The following PLEKHS1 variants were observed in gnomAD, a reference collection of about 807,000 sequenced individuals.
PLEKHS1 encodes pleckstrin homology domain containing S1, also known as pleckstrin homology domain-containing family S member 1.
Under a neutral mutation model 51.0 loss-of-function variants are expected in PLEKHS1, and 55 were observed. The observed-to-expected ratio is 1.08, with a 90% CI of 0.87 to 1.35. The LOEUF (loss-of-function observed/expected upper bound fraction) is 1.35, where lower values mean the gene tolerates loss of function less well. Among genes scored for constraint, PLEKHS1 ranks in the 40% most tolerant of loss-of-function variants. The pLI is 0.00. For missense variants in PLEKHS1, 398 were observed against 423.0 expected (o/e 0.94, Z 0.52); for synonymous variants, 153 against 144.8 (o/e 1.06, Z -0.41).
At chr10:113,773,750 G>A (rs1054200869) in intron 8 of PLEKHS1, among the ~76,000 whole-genome samples, 14 of 152,082 alleles carry the variant, frequency 9.2e-5, no homozygotes, top group Non-Finnish European at 1.5e-5. Context: ...TTGTTCTAAG[G>A]GGGCTATGGA....
chr10:113,776,433 C>T (rs753965159), intron 11 of PLEKHS1, among the ~76,000 whole-genome samples: 1 of 152,138 alleles, frequency 6.6e-6, no homozygotes, highest in Non-Finnish European at 1.5e-5. Flanking sequence ...AAGATTTCAT[C>T]TTCATAAGGG....
At chr10:113,761,547 G>T (rs1156881825) in intron 2 of PLEKHS1, among the ~76,000 whole-genome samples, 1 of 151,922 alleles carries the variant, frequency 6.6e-6, no homozygotes, top group East Asian at 1.9e-4. Flanking sequence ...TATTGTAAAT[G>T]GAACTGTTTT....
At chr10:113,762,365 C>CTTTTTTTTTTTTGTTTTTTTTT (rs1843972035) in intron 2 of PLEKHS1, among the ~76,000 whole-genome samples, 1 of 61,770 alleles carries the variant, frequency 1.6e-5, no homozygotes, top group African/African-American at 6.0e-5. Flanking sequence ...AGATTTGTTC[C>CTTTTTTTTTTTTGTTTTTTTTT]TTTTTTTTTT....
chr10:113,755,658 G>T (rs1404786997), intron 2 of PLEKHS1, among the ~76,000 whole-genome samples: 1 of 152,174 alleles, frequency 6.6e-6, no homozygotes, highest in African/African-American at 2.4e-5. Context: ...CCACCTCTCA[G>T]CCTCCCAAAG....
chr10:113,777,042 T>C (rs1391671803), intron 11 of PLEKHS1, 82 bp from the exon 12 acceptor site: 34 of 1,534,106 alleles, frequency 2.2e-5, no homozygotes, highest in Non-Finnish European at 3.0e-5. Flanking sequence ...CCACGTGACC[T>C]AGAATCAGGA....
Position 113,777,272 on chromosome 10 carries a change from G to T in PLEKHS1, c.1091+1406G>T. On this transcript the variant is annotated intron_variant, in intron 11 of 11. Transcript: ENST00000361048. ...CATCCAGAAGGAGGTGAGTCGTACT[G>T]ACCAGCCCTGAACAGGGCAAATCAG... 6.2e-7 allele frequency: 1 copy of T among 1,612,698 alleles called. No homozygotes were observed. The highest frequency in any genetic ancestry group is 1.1e-5 in the South Asian group (1 of 90,984).
At chr10:113,776,908 T>C (rs1221761017) in intron 11 of PLEKHS1, among the ~76,000 whole-genome samples, 1 of 152,160 alleles carries the variant, frequency 6.6e-6, no homozygotes, top group Non-Finnish European at 1.5e-5. Flanking sequence ...ATGTAGGATT[T>C]CATGGGCCTT....
intron 11 of PLEKHS1, among the ~76,000 whole-genome samples, chr10:113,780,366 T>C (rs1844828230): frequency 6.6e-6 from 1 of 152,152 alleles, no homozygotes; most frequent in Admixed American, 6.5e-5. Context: ...GCTACCTGGA[T>C]CCTTCCTTAA....
rs1844700265 is a variant in PLEKHS1 at position 113,777,058 on chromosome 10, T to C, written c.1091+1192T>C. On this transcript the variant is annotated intron_variant, in intron 11 of 11. Transcript: ENST00000361048. ...CACGTGACCTAGAATCAGGAGACCCTGCGTGCCCTGCCCTCCTGGCCAGCT... is the reference window on the plus strand; with the variant it reads ...CACGTGACCTAGAATCAGGAGACCCCGCGTGCCCTGCCCTCCTGGCCAGCT... The C allele has an allele frequency of 5.1e-6, 8 of 1,582,832 alleles. No individual in the cohort carries two copies. In the South Asian group the frequency reaches 9.3e-5, roughly 18 times the overall value.
exon 12 of PLEKHS1, chr10:113,781,534 C>A (rs1844870496): frequency 9.6e-6 from 1 of 103,858 alleles, no homozygotes; most frequent in Admixed American, 9.5e-5. Context: ...CCTTCCCCAA[C>A]ATCCTTCCCA....
intron 2 of PLEKHS1, chr10:113,764,820 T>C (rs1844089252): frequency 6.6e-6 from 1 of 152,468 alleles, no homozygotes; most frequent in African/African-American, 2.4e-5. Flanking sequence ...ACAGTTGCCA[T>C]GCCTTTAAGT....
chr10:113,767,982 A>T (rs796919968), intron 5 of PLEKHS1, among the ~76,000 whole-genome samples: 3 of 152,244 alleles, frequency 2.0e-5, no homozygotes, highest in African/African-American at 7.2e-5. Context: ...GACCAATTAC[A>T]TCTGCAACAA....
At chr10:113,757,086 T>C (rs1210955318) in intron 2 of PLEKHS1, among the ~76,000 whole-genome samples, 1 of 152,094 alleles carries the variant, frequency 6.6e-6, no homozygotes, top group East Asian at 1.9e-4. Context: ...CATTTTTTTG[T>C]GTGTTTTTAG....
intron 2 of PLEKHS1, among the ~76,000 whole-genome samples, chr10:113,761,290 A>T (rs1346346041): frequency 6.6e-6 from 1 of 151,978 alleles, no homozygotes; most frequent in Non-Finnish European, 1.5e-5. Context: ...GATTTTGAGG[A>T]TTAGCTTTTC....
chr10:113,769,909 G>A lies in PLEKHS1; in HGVS notation c.552+9G>A, dbSNP rs769740200. 2 of 1,589,052 alleles carry A rather than the reference G, an allele frequency of 1.3e-6. No individual in the cohort carries two copies. Among genetic ancestry groups the A allele is most frequent in the Non-Finnish European group, 8.6e-7 (1 of 1,157,340 alleles). ...ATGGTCTCCAAGACAAGGTAATGGG[G>A]CTCACTTCTTTCTCAGGACACCACA... is the stretch of plus-strand genomic sequence containing the variant. On this transcript the variant is annotated intron_variant, in intron 7 of 11. Coordinates refer to ENST00000361048, the Ensembl canonical transcript of PLEKHS1.
chr10:113,775,021 G>A, exon 10 of PLEKHS1: 1 of 1,614,040 alleles, frequency 6.2e-7, no homozygotes, highest in East Asian at 2.2e-5. Context: ...TTGTGCAATT[G>A]TCTATATTAA....
chr10:113,754,170 G>A (rs1161643503), intron 1 of PLEKHS1, among the ~76,000 whole-genome samples: 1 of 152,120 alleles, frequency 6.6e-6, no homozygotes, highest in Non-Finnish European at 1.5e-5. Flanking sequence ...AAGAATTGCT[G>A]TAAGTCATCT....
At chr10:113,758,951 G>GA (rs1482127592) in intron 2 of PLEKHS1, among the ~76,000 whole-genome samples, 2 of 151,860 alleles carry the variant, frequency 1.3e-5, no homozygotes, top group Admixed American at 6.6e-5. Context: ...ATATGCTCTT[G>GA]AAAAAATGGT....
intron 2 of PLEKHS1, among the ~76,000 whole-genome samples, chr10:113,763,999 AT>A (rs1366015994): frequency 6.6e-6 from 1 of 152,190 alleles, no homozygotes; most frequent in African/African-American, 2.4e-5. Flanking sequence ...GCCTTTATAT[AT>A]CTAAAAAGTC....
Sources: allele counts gnomAD v4.1 joint callset (sites outside exome capture counted in the v4.1 genomes callset), GRCh38; gene constraint gnomAD v4.1.1; transcripts MANE v1.5; gene names NCBI Gene and HGNC (gene_info 2026-07-23, HGNC 2026-07-21).